ANKRD45: variants seen among roughly 807,000 people sequenced by gnomAD.
The protein encoded by ANKRD45 is ankyrin repeat domain-containing protein 45.
Under a neutral mutation model 28.1 loss-of-function variants are expected in ANKRD45, and 21 were observed. That is an observed-to-expected ratio of 0.75 (90% CI 0.53 to 1.08). The LOEUF (loss-of-function observed/expected upper bound fraction) is 1.08. Among genes scored for constraint, ANKRD45 ranks in the 50% least tolerant of loss-of-function variants. ANKRD45 has a pLI of 0.00. For synonymous variants in ANKRD45, 86 were observed against 103.9 expected (o/e 0.83, Z 1.05); for missense variants, 261 against 308.7 (o/e 0.85, Z 1.16).
intron 2 of ANKRD45, chr1:173,657,622 C>CTTCTTTTT (rs1669594907): frequency 2.2e-5 from 1 of 45,990 alleles, no homozygotes; most frequent in African/African-American, 4.9e-5. Context: ...CTTTCTTCTT[C>CTTCTTTTT]TTCTTTTTTT....
intron 5 of ANKRD45, among the ~76,000 whole-genome samples, chr1:173,620,493 A>G (rs543899935): frequency 6.6e-6 from 1 of 152,316 alleles, no homozygotes; most frequent in African/African-American, 2.4e-5. Flanking sequence ...GCCCACATCA[A>G]AAAGCTGGAA....
intron 5 of ANKRD45, among the ~76,000 whole-genome samples, chr1:173,613,563 C>CCCCCCA (rs1667306748): frequency 1.0e-5 from 1 of 98,398 alleles, no homozygotes; most frequent in African/African-American, 1.5e-4. Context: ...GGGGGGTCAG[C>CCCCCCA]CCCCCCCCCG....
At chr1:173,670,415 A>G (rs900048458), upstream of ANKRD45, among the ~76,000 whole-genome samples, 1 of 152,238 alleles carries the variant, frequency 6.6e-6, no homozygotes, top group Non-Finnish European at 1.5e-5. Context: ...CCTAGCAATT[A>G]TATCAATGTT....
intron 2 of ANKRD45, 62 bp downstream of exon 2, chr1:173,659,029 A>T (rs751892305): frequency 1.9e-6 from 3 of 1,561,816 alleles, no homozygotes. Context: ...AACCTTAAAG[A>T]TATTACATTG....
chr1:173,612,280 G>A (rs77218597), intron 5 of ANKRD45, among the ~76,000 whole-genome samples: 7,630 of 124,700 alleles, frequency 0.061, 832 homozygotes, highest in African/African-American at 0.29. Context: ...AGAGAGGGAG[G>A]AAGGAAAGAA....
intron 5 of ANKRD45, among the ~76,000 whole-genome samples, chr1:173,611,039 T>G (rs1667124821): frequency 6.6e-6 from 1 of 152,156 alleles, no homozygotes; most frequent in Non-Finnish European, 1.5e-5. Context: ...AAGTTTAAAA[T>G]TTAGTAGTTT....
At chr1:173,696,766 GT>G in the ANKRD45 span, among the ~76,000 whole-genome samples, 1 of 151,968 alleles carries the variant, frequency 6.6e-6, no homozygotes, top group Admixed American at 6.6e-5. Flanking sequence ...CTCTTTTTTG[GT>G]TTCATATGAA....
At chr1:173,619,491 T>C (rs1667610474) in intron 5 of ANKRD45, among the ~76,000 whole-genome samples, 1 of 152,152 alleles carries the variant, frequency 6.6e-6, no homozygotes, top group African/African-American at 2.4e-5. Flanking sequence ...ATCACAGTCC[T>C]AGTTTCTGAC....
Position 173,659,469 on chromosome 1 carries a change from A to C in ANKRD45, c.-15-36T>G, listed in dbSNP as rs749865415. ...AAAAATAAAAAAGTGATAAAAATCTACTCAAACACATCAGTATTTGTTTAT... is the reference window on the plus strand; with the variant it reads ...AAAAATAAAAAAGTGATAAAAATCTCCTCAAACACATCAGTATTTGTTTAT... On this transcript the variant is annotated intron_variant, in intron 1 of 5. Coordinates refer to ENST00000333279, the MANE Select transcript of ANKRD45 (RefSeq NM_198493.3). 3 of 1,470,400 alleles carry C rather than the reference A, an allele frequency of 2.0e-6. No individual in the cohort carries two copies. The Admixed American group carries it at 7.1e-5, about 35-fold the overall frequency. 91.1% of individuals were successfully genotyped at this position (1,470,400 alleles called of 1,614,324 possible). A position where few individuals can be genotyped will look rare whatever the true frequency, so the allele number is the denominator to read the frequency against.
At chr1:173,616,589 AT>A (rs1036631637) in intron 5 of ANKRD45, among the ~76,000 whole-genome samples, 92 of 152,336 alleles carry the variant, frequency 6.0e-4, no homozygotes, top group African/African-American at 2.0e-3. Context: ...TAAAGCTATT[AT>A]TTTAAAAAAA....
At chr1:173,667,757 GT>G in intron 1 of ANKRD45, 1 of 422,966 alleles carries the variant, frequency 2.4e-6, no homozygotes, top group Non-Finnish European at 4.6e-6. Context: ...TTTTGGTGCA[GT>G]CACAAAAATG....
chr1:173,625,550 T>C (rs1226197834), intron 4 of ANKRD45, among the ~76,000 whole-genome samples: 1 of 152,172 alleles, frequency 6.6e-6, no homozygotes, highest in Non-Finnish European at 1.5e-5. Flanking sequence ...TTTATTATAC[T>C]ATGGTCTGTA....
At chr1:173,708,581 G>A in the ANKRD45 span, among the ~76,000 whole-genome samples, 40 of 152,284 alleles carry the variant, frequency 2.6e-4, no homozygotes, top group African/African-American at 8.9e-4. Flanking sequence ...TTTTGCTACA[G>A]AAGCACAAAC....
intron 5 of ANKRD45, among the ~76,000 whole-genome samples, chr1:173,620,224 C>A (rs913538047): frequency 3.9e-5 from 6 of 152,104 alleles, no homozygotes; most frequent in African/African-American, 1.4e-4. Context: ...TCAGCAAATG[C>A]AAAAGAACTG....
intron 2 of ANKRD45, among the ~76,000 whole-genome samples, chr1:173,653,961 G>T: frequency 7.6e-6 from 1 of 132,168 alleles, no homozygotes; most frequent in Admixed American, 7.9e-5. Context: ...TTGCTTGGTA[G>T]ATCTTCCTCC....
chr1:173,698,903 A>T, the ANKRD45 span, among the ~76,000 whole-genome samples: 1 of 152,144 alleles, frequency 6.6e-6, no homozygotes, highest in African/African-American at 2.4e-5. Flanking sequence ...TTTAAAGATC[A>T]ACAAAATTGA....
chr1:173,694,711 T>C, the ANKRD45 span, among the ~76,000 whole-genome samples: 2 of 152,020 alleles, frequency 1.3e-5, no homozygotes, highest in African/African-American at 4.8e-5. Flanking sequence ...CCTCACCTCC[T>C]ACCCACTCTT....
At chr1:173,679,373 A>G in the ANKRD45 span, among the ~76,000 whole-genome samples, 3 of 152,216 alleles carry the variant, frequency 2.0e-5, no homozygotes, top group Non-Finnish European at 4.4e-5. Context: ...AACAGAACAG[A>G]GGCCTCAGAA....
At chr1:173,660,741 A>G (rs1168761542) in intron 1 of ANKRD45, among the ~76,000 whole-genome samples, 2 of 152,180 alleles carry the variant, frequency 1.3e-5, no homozygotes, top group East Asian at 3.8e-4. Context: ...TCTTAATCCA[A>G]TTCCATAAGG....
Sources: gnomAD v4.1 joint callset for allele counts (sites outside exome capture counted in the v4.1 genomes callset) on GRCh38, gnomAD v4.1.1 for gene constraint, MANE v1.5 for transcripts, NCBI Gene and HGNC (gene_info 2026-07-23, HGNC 2026-07-21) for gene names.